LRP6: variants seen among roughly 807,000 people sequenced by gnomAD.
LRP6 encodes the protein LDL receptor related protein 6.
Under a neutral mutation model 184.1 loss-of-function variants are expected in LRP6, and 43 were observed. The ratio of observed to expected loss-of-function variants is 0.23; its 90% CI spans 0.18 to 0.30. LRP6 has a LOEUF of 0.30. Among genes scored for constraint, LRP6 ranks in the 10% least tolerant of loss-of-function variants. The pLI, the probability that LRP6 is intolerant of heterozygous loss-of-function variation, is 1.00. For missense variants in LRP6, 1,571 were observed against 2,005.3 expected (o/e 0.78, Z 4.14); for synonymous variants, 719 against 684.9 (o/e 1.05, Z -0.78).
chr12:12,139,055 A>C, intron 15 of LRP6: 1 of 1,240,178 alleles, frequency 8.1e-7, no homozygotes, highest in Non-Finnish European at 1.0e-6. Flanking sequence ...ATTGTTGCAC[A>C]GTGAGAAAGT....
At chr12:12,210,212 T>C (rs1273506962) in intron 2 of LRP6, among the ~76,000 whole-genome samples, 1 of 152,154 alleles carries the variant, frequency 6.6e-6, no homozygotes, top group African/African-American at 2.4e-5. Flanking sequence ...AACTGAAATA[T>C]TCCAAATAAG....
chr12:12,250,488 T>C (rs1208665196), intron 1 of LRP6, among the ~76,000 whole-genome samples: 1 of 152,174 alleles, frequency 6.6e-6, no homozygotes, highest in Non-Finnish European at 1.5e-5. Context: ...ATTAGCTTTT[T>C]TTTTTTTTAA....
intron 2 of LRP6, among the ~76,000 whole-genome samples, chr12:12,205,801 A>G (rs897158913): frequency 1.3e-5 from 2 of 152,240 alleles, no homozygotes; most frequent in Non-Finnish European, 1.5e-5. Context: ...TGATTTTTAA[A>G]GAAGAGAAAG....
intron 3 of LRP6, among the ~76,000 whole-genome samples, chr12:12,189,183 G>A (rs1022628484): frequency 1.3e-5 from 2 of 152,156 alleles, no homozygotes; most frequent in African/African-American, 2.4e-5. Flanking sequence ...ACTCAGAGGT[G>A]AGCTTAAATC....
In LRP6 at chr12:12,170,827, ACACACG is replaced by A. The variant is rs746065101; in HGVS notation, c.1546-5538_1546-5533del. On this transcript the variant is annotated intron_variant, in intron 7 of 22. Transcript: ENST00000261349. ...CACACACACACACACACACACACAC[ACACACG>A]TCTTAGATGAAAAAAACTACTTTTT... 4.7e-3 allele frequency among the ~76,000 whole-genome samples: 685 copies of A among 144,680 alleles called. 2 individuals carry two copies. The highest frequency in any genetic ancestry group is 0.029 in the Middle Eastern group (8 of 276). 94.9% of individuals were successfully genotyped at this position (144,680 alleles called of 152,430 possible).
chr12:12,184,044 A>T lies in LRP6; in HGVS notation c.912T>A (p.Pro304=), dbSNP rs1232138312. 1.9e-6 allele frequency: 3 copies of T among 1,613,570 alleles called. No individual in the cohort carries two copies. ...CAGTGGGGCAAGCACACTGATAAAA[A>T]GGCTTGACTGGAGACATCAAACACA... is the stretch of plus-strand genomic sequence containing the variant. The part of the protein sequence containing the change: ...SHLCLMSPVK[P]FYQCACPTGV... The change falls in exon 5 of 23, where the codon CCT becomes CCA. Residue 304 remains proline, a synonymous_variant. Transcript: ENST00000261349.
At chr12:12,140,136 C>T (rs1317102652) in intron 15 of LRP6, among the ~76,000 whole-genome samples, 1 of 150,692 alleles carries the variant, frequency 6.6e-6, no homozygotes, top group Non-Finnish European at 1.5e-5. Flanking sequence ...CCAAGACAAA[C>T]ACAACAAAGG....
In LRP6 at chr12:12,179,801, AAAAC is replaced by A; in HGVS notation, c.1545+5_1545+8del. On this transcript the variant is annotated splice_donor_5th_base_variant and intron_variant, in intron 7 of 22. Coordinates refer to ENST00000261349, the MANE Select transcript of LRP6 (RefSeq NM_002336.3). ...AAGTGGCTTGAAAATGAAAAAGCAAAAAACAAACCTCAATCTTGTCTGTTTTGGC... is the reference window on the plus strand; with the variant it reads ...AAGTGGCTTGAAAATGAAAAAGCAAAAAACCTCAATCTTGTCTGTTTTGGC... 1 of 1,613,604 alleles carries A rather than the reference AAAAC, an allele frequency of 6.2e-7. No homozygotes were observed. Among genetic ancestry groups the A allele is most frequent in the Non-Finnish European group, 8.5e-7 (1 of 1,179,734 alleles).
At chr12:12,211,545 C>T (rs1591951760) in intron 2 of LRP6, among the ~76,000 whole-genome samples, 1 of 152,184 alleles carries the variant, frequency 6.6e-6, no homozygotes, top group East Asian at 1.9e-4. Context: ...CACTGTTTTT[C>T]CTTCCGTATC....
At chr12:12,214,051 C>CT (rs919142781) in intron 2 of LRP6, among the ~76,000 whole-genome samples, 16 of 152,188 alleles carry the variant, frequency 1.1e-4, no homozygotes, top group African/African-American at 3.6e-4. Context: ...TTCTCTTAGA[C>CT]TTTTACCATT....
intron 19 of LRP6, among the ~76,000 whole-genome samples, chr12:12,127,987 TCATTCCTTTTTAGTCCCCTAA>T (rs1949696918): frequency 6.6e-6 from 1 of 152,192 alleles, no homozygotes; most frequent in Non-Finnish European, 1.5e-5. Context: ...TCTCATCTTT[TCATTCCTTTTTAGTCCCCTAA>T]CATTCCTTTG....
At position 12,159,073 on chromosome 12, in the gene LRP6, G is replaced by A. The variant is rs1306792106; in HGVS notation, c.2547C>T (p.Asp849=). Residue 849 remains aspartate (D), a synonymous_variant, in exon 12 of 23, where the codon GAC becomes GAT. Coordinates refer to ENST00000261349, the MANE Select transcript of LRP6 (RefSeq NM_002336.3). ...CACGCTCAATGCTGCGTCGGCTCCAGTCCGTCCAGTAGATATAATCTTGGT... is the reference window on the plus strand; with the variant it reads ...CACGCTCAATGCTGCGTCGGCTCCAATCCGTCCAGTAGATATAATCTTGGT... ...TQYQDYIYWT[D]WSRRSIERAN... 6.2e-7 allele frequency: 1 copy of A among 1,614,154 alleles called. No homozygotes were observed. The highest frequency in any genetic ancestry group is 1.7e-5 in the Admixed American group (1 of 60,012).
At chr12:12,150,783 T>C in intron 13 of LRP6, 53 bp downstream of exon 13, 2 of 1,578,904 alleles carry the variant, frequency 1.3e-6, no homozygotes, top group Non-Finnish European at 1.7e-6. Context: ...GAGTGGTTGG[T>C]GAGTCCAGTT....
Position 12,184,013 on chromosome 12 carries a change from T to C in LRP6, c.943A>G (p.Lys315Glu), listed in dbSNP as rs142395866. ...FYQCACPTGV[K>E]LLENGKTCKD... ...CAGGTTTTTCCATTCTCCAGGAGTT[T>C]GACCCCAGTGGGGCAAGCACACTGA... The change falls in exon 5 of 23, where the codon AAA becomes GAA. Residue 315 changes from lysine (K) to glutamate (E), a missense_variant. Coordinates refer to ENST00000261349, the MANE Select transcript of LRP6 (RefSeq NM_002336.3). 11 of 1,613,694 alleles carry C rather than the reference T, an allele frequency of 6.8e-6. No homozygotes were observed. Among genetic ancestry groups the C allele is most frequent in the Non-Finnish European group, 9.3e-6 (11 of 1,179,710 alleles).
chr12:12,150,800 C>A, intron 13 of LRP6, 36 bp downstream of exon 13: 2 of 1,607,368 alleles, frequency 1.2e-6, no homozygotes, highest in South Asian at 2.2e-5. Context: ...AGTTATTAGT[C>A]AGGAGAAATG....
chr12:12,232,725 C>A (rs1339850793), intron 2 of LRP6, among the ~76,000 whole-genome samples: 1 of 151,660 alleles, frequency 6.6e-6, no homozygotes, highest in African/African-American at 2.4e-5. Context: ...CATCATCAAA[C>A]AATAACATAT....
chr12:12,201,451 C>A (rs1309804204), intron 3 of LRP6, among the ~76,000 whole-genome samples: 1 of 152,150 alleles, frequency 6.6e-6, no homozygotes, highest in Non-Finnish European at 1.5e-5. Flanking sequence ...TAAAATAACC[C>A]ACCATCTTGT....
At chr12:12,184,338 A>G (rs1401154008) in intron 4 of LRP6, among the ~76,000 whole-genome samples, 1 of 152,184 alleles carries the variant, frequency 6.6e-6, no homozygotes, top group African/African-American at 2.4e-5. Context: ...CCCTGCCCTA[A>G]AAGAGGTTAC....
chr12:12,139,412 T>A (rs543466584), intron 15 of LRP6, among the ~76,000 whole-genome samples: 19 of 152,256 alleles, frequency 1.2e-4, no homozygotes, highest in Middle Eastern at 3.4e-3. Context: ...CTCCTAAAAC[T>A]CTACTAATAT....
Sources: allele counts gnomAD v4.1 joint callset (sites outside exome capture counted in the v4.1 genomes callset), GRCh38; gene constraint gnomAD v4.1.1; transcripts MANE v1.5; gene names NCBI Gene and HGNC (gene_info 2026-07-23, HGNC 2026-07-21).